The following SDCCAG8 variants were observed in gnomAD, a reference collection of about 807,000 sequenced individuals.
The protein encoded by SDCCAG8 is SHH signaling and ciliogenesis regulator SDCCAG8, also known as serologically defined colon cancer antigen 8.
Under a neutral mutation model 101.8 loss-of-function variants are expected in SDCCAG8, and 74 were observed. The ratio of observed to expected loss-of-function variants is 0.73; its 90% CI spans 0.60 to 0.88. SDCCAG8 has a LOEUF of 0.88. Ranked by LOEUF, SDCCAG8 falls within the 40% of genes least tolerant of loss-of-function variation. SDCCAG8 has a pLI of 0.00. For missense variants in SDCCAG8, 787 were observed against 822.6 expected, an observed-to-expected ratio of 0.96 and a Z score of 0.53; for synonymous variants, 281 against 292.9, an observed-to-expected ratio of 0.96 and a Z score of 0.41.
At chr1:243,486,930 G>GCTA (rs60129870) in intron 16 of SDCCAG8, among the ~76,000 whole-genome samples, 41,531 of 152,008 alleles carry the variant, frequency 0.27, 6,057 homozygotes, top group African/African-American at 0.37. Context: ...AAGCCACGGG[G>GCTA]CTACCTCAGT....
Position 243,367,432 on chromosome 1 carries a change from G to GTT in SDCCAG8, c.1474-11280_1474-11279dup, listed in dbSNP as rs559856164. On this transcript the variant is annotated intron_variant, in intron 12 of 17. Coordinates refer to ENST00000366541, the MANE Select transcript of SDCCAG8 (RefSeq NM_006642.5). ...AAGGATTAGGTCAGGGTTAGGTGTAGTTTTTTTTTTACATAAAGTAAATTT... is the reference window on the plus strand; with the variant it reads ...AAGGATTAGGTCAGGGTTAGGTGTAGTTTTTTTTTTTTACATAAAGTAAATTT... Among the ~76,000 whole-genome samples the GTT allele has an allele frequency of 6.3e-3, 931 of 148,352 alleles. 10 individuals are homozygous for GTT. Among genetic ancestry groups the GTT allele is most frequent in the African/African-American group, 0.022 (890 of 40,646 alleles).
chr1:243,276,268 G>T (rs1233514471), intron 4 of SDCCAG8, among the ~76,000 whole-genome samples: 3 of 152,180 alleles, frequency 2.0e-5, no homozygotes, highest in African/African-American at 7.2e-5. Flanking sequence ...AATATGGTTT[G>T]TGGGGGCCAT....
chr1:243,486,837 C>T (rs1055165522), intron 16 of SDCCAG8, among the ~76,000 whole-genome samples: 5 of 152,224 alleles, frequency 3.3e-5, no homozygotes, highest in Admixed American at 2.0e-4. Context: ...TCACTTGTCA[C>T]GTTTCCTGGC....
At chr1:243,477,021 CACACACACACACAG>C (rs1662565977) in intron 16 of SDCCAG8, among the ~76,000 whole-genome samples, 2 of 145,998 alleles carry the variant, frequency 1.4e-5, no homozygotes, top group East Asian at 3.9e-4. Flanking sequence ...CACACACACA[CACACACACACACAG>C]AGAGAAAGGC....
intron 16 of SDCCAG8, among the ~76,000 whole-genome samples, chr1:243,443,268 A>G (rs1284749180): frequency 6.6e-6 from 1 of 152,192 alleles, no homozygotes; most frequent in Non-Finnish European, 1.5e-5. Context: ...TTTAACTTGG[A>G]ACAATTCATA....
intron 16 of SDCCAG8, among the ~76,000 whole-genome samples, chr1:243,482,642 G>A (rs931267893): frequency 6.6e-6 from 1 of 152,186 alleles, no homozygotes; most frequent in Non-Finnish European, 1.5e-5. Context: ...GCTCCCTCAA[G>A]TGTCCTTCCT....
chr1:243,258,202 C>A (rs74150959), intron 1 of SDCCAG8, among the ~76,000 whole-genome samples: 19 of 148,302 alleles, frequency 1.3e-4, no homozygotes, highest in South Asian at 4.5e-4. Context: ...TAAAAAAAAA[C>A]GTATTCATAA....
At chr1:243,256,386 G>A in intron 1 of SDCCAG8, 146 bp downstream of exon 1, 1 of 692,982 alleles carries the variant, frequency 1.4e-6, no homozygotes. Context: ...GTCTTGAGGA[G>A]GATGAAATAG....
intron 12 of SDCCAG8, among the ~76,000 whole-genome samples, chr1:243,350,730 T>G (rs2076038628): frequency 6.6e-6 from 1 of 152,130 alleles, no homozygotes; most frequent in Admixed American, 6.5e-5. Context: ...CAAATCACAA[T>G]AGCCTGAAAC....
At chr1:243,391,702 G>T (rs1170484716) in intron 13 of SDCCAG8, among the ~76,000 whole-genome samples, 4 of 152,212 alleles carry the variant, frequency 2.6e-5, no homozygotes, top group Non-Finnish European at 5.9e-5. Context: ...CTAACTTCAA[G>T]AAGCCTATTC....
intron 12 of SDCCAG8, among the ~76,000 whole-genome samples, chr1:243,373,282 T>A (rs988751094): frequency 1.3e-5 from 2 of 152,136 alleles, no homozygotes; most frequent in African/African-American, 4.8e-5. Context: ...ATTTCTTATA[T>A]GTGTAAACAG....
intron 9 of SDCCAG8, among the ~76,000 whole-genome samples, chr1:243,321,597 A>AT (rs1411649831): frequency 6.6e-6 from 1 of 152,132 alleles, no homozygotes; most frequent in African/African-American, 2.4e-5. Context: ...TCCCTGGTGT[A>AT]TATGTACCAC....
chr1:243,319,816 T>C (rs1413324385), intron 9 of SDCCAG8, among the ~76,000 whole-genome samples: 6 of 152,194 alleles, frequency 3.9e-5, no homozygotes, highest in African/African-American at 1.2e-4. Flanking sequence ...CCCCTACTTC[T>C]ACGCTAACAT....
Position 243,316,817 on chromosome 1 carries a change from A to T in SDCCAG8, c.992A>T (p.Gln331Leu), listed in dbSNP as rs749594870. 6.2e-7 allele frequency: 1 copy of T among 1,614,250 alleles called. No individual in the cohort carries two copies. The highest frequency in any genetic ancestry group is 8.5e-7 in the Non-Finnish European group (1 of 1,180,028). The change falls in exon 9 of 18, where the codon CAA becomes CTA. Residue 331 changes from glutamine to leucine, a missense_variant. By Grantham distance (113) the Gln-to-Leu change is moderately radical. Transcript: ENST00000366541. ...SVRSSLADTQ[Q>L]REASAYEQVK... is the part of the protein sequence containing the mutation. ...AGGAGCAGCTTGGCAGATACGCAGC[A>T]AAGAGAAGCAAGTGCTTATGAACAG...
At chr1:243,377,885 T>G (rs2077692139) in intron 12 of SDCCAG8, among the ~76,000 whole-genome samples, 1 of 151,176 alleles carries the variant, frequency 6.6e-6, no homozygotes, top group Admixed American at 6.6e-5. Context: ...CATCTTTTAT[T>G]TTCTTTGGCT....
rs1321435548 is a variant in SDCCAG8, at chr1:243,458,038, C to G, written c.1986-30976C>G. 6.6e-6 allele frequency among the ~76,000 whole-genome samples: 1 copy of G among 152,306 alleles called. No homozygotes were observed. The highest frequency in any genetic ancestry group is 1.9e-4 in the East Asian group (1 of 5,180). On this transcript the variant is annotated intron_variant, in intron 16 of 17. Coordinates refer to ENST00000366541, the MANE Select transcript of SDCCAG8 (RefSeq NM_006642.5). This position sits in a 1 kb window ranked among gnomAD's most constrained non-coding sequence, Gnocchi z 4.5. ...GGTATGGATAGAGGTCCTGCAGAAA[C>G]CTTCAGGACCCATCCCAAAATGACG...
chr1:243,416,119 C>A lies in SDCCAG8; in HGVS notation c.1744+290C>A, dbSNP rs1317371632. Among the ~76,000 whole-genome samples, 1 of 152,096 alleles carries A rather than the reference C, an allele frequency of 6.6e-6. No homozygotes were observed. The highest frequency in any genetic ancestry group is 2.4e-5 in the African/African-American group (1 of 41,418). The stretch of plus-strand genomic sequence containing the variant: ...AACGTAAAGCTGAGAGAGACCACAA[C>A]AAAGTAGAAAAACAAAGGGCTTGTT... On this transcript the variant is annotated intron_variant, in intron 14 of 17. Coordinates refer to ENST00000366541, the MANE Select transcript of SDCCAG8 (RefSeq NM_006642.5). The surrounding 1 kb of genome is among the most constrained non-coding windows in gnomAD (Gnocchi z 4.3).
chr1:243,425,540 A>G (rs1024918326), intron 15 of SDCCAG8, among the ~76,000 whole-genome samples: 2 of 152,088 alleles, frequency 1.3e-5, no homozygotes, highest in Non-Finnish European at 2.9e-5. Context: ...TTATGTCAGG[A>G]GTCTTCAGAA....
At chr1:243,469,825 T>C (rs1488590466) in intron 16 of SDCCAG8, among the ~76,000 whole-genome samples, 2 of 146,752 alleles carry the variant, frequency 1.4e-5, no homozygotes, top group African/African-American at 2.6e-5. Flanking sequence ...TTTGCGAAAG[T>C]GTTGGTTTTT....
Sources: allele counts gnomAD v4.1 joint callset (sites outside exome capture counted in the v4.1 genomes callset), GRCh38; gene constraint gnomAD v4.1.1; non-coding constraint Gnocchi (gnomAD v3.1); transcripts MANE v1.5; gene names NCBI Gene and HGNC (gene_info 2026-07-23, HGNC 2026-07-21).